GRIP1: variants seen among roughly 807,000 people sequenced by gnomAD.
The protein encoded by GRIP1 is glutamate receptor interacting protein 1, also known as glutamate receptor-interacting protein 1.
A neutral mutation model predicts 129.9 loss-of-function variants in GRIP1; 45 were observed. The observed-to-expected ratio is 0.35, with a 90% CI of 0.27 to 0.44. The LOEUF is 0.44. Ranked by LOEUF, GRIP1 falls within the 20% of genes least tolerant of loss-of-function variation. The pLI is 1.00. For missense variants in GRIP1, 1,196 were observed against 1,396.8 expected (o/e 0.86, Z 2.29); for synonymous variants, 530 against 520.8 (o/e 1.02, Z -0.24).
chr12:66,836,923 A>G (rs890590031), intron 1 of GRIP1, among the ~76,000 whole-genome samples: 8 of 152,242 alleles, frequency 5.3e-5, no homozygotes, highest in African/African-American at 1.9e-4. Context: ...AAGAAAGGAA[A>G]GGTACATTCA....
At chr12:66,675,907 G>A (rs2034304951) in intron 1 of GRIP1, among the ~76,000 whole-genome samples, 2 of 152,184 alleles carry the variant, frequency 1.3e-5, no homozygotes, top group South Asian at 4.1e-4. Context: ...TACCTGATAA[G>A]GCAAAATGAT....
chr12:66,361,503 C>T (rs2137164426), intron 23 of GRIP1, among the ~76,000 whole-genome samples: 1 of 152,354 alleles, frequency 6.6e-6, no homozygotes, highest in South Asian at 2.1e-4. Flanking sequence ...CTTCACACAT[C>T]TACTGGTTCA....
chr12:66,796,279 T>G (rs2038695583), intron 1 of GRIP1, among the ~76,000 whole-genome samples: 1 of 152,048 alleles, frequency 6.6e-6, no homozygotes, highest in African/African-American at 2.4e-5. Context: ...AAATCTACAT[T>G]TTTCCTATTC....
chr12:66,545,502 T>C (rs1390873242), intron 2 of GRIP1, among the ~76,000 whole-genome samples: 2 of 152,172 alleles, frequency 1.3e-5, no homozygotes, highest in Admixed American at 1.3e-4. Flanking sequence ...CCATTTACAA[T>C]AGCCAAAAGG....
intron 1 of GRIP1, among the ~76,000 whole-genome samples, chr12:66,752,686 T>C (rs569930042): frequency 2.6e-5 from 4 of 152,272 alleles, no homozygotes; most frequent in African/African-American, 9.6e-5. Context: ...TACACCTATT[T>C]AAATAAAAGC....
chr12:66,547,333 A>C (rs1406752281), intron 2 of GRIP1, among the ~76,000 whole-genome samples: 1 of 152,192 alleles, frequency 6.6e-6, no homozygotes, highest in Admixed American at 6.5e-5. Context: ...TGGGAATGTA[A>C]AATAGGACAA....
intron 1 of GRIP1, chr12:66,803,996 G>T (rs1445530417): frequency 4.9e-6 from 2 of 408,326 alleles, no homozygotes; most frequent in South Asian, 3.6e-5. Context: ...TCCACACAAG[G>T]TTTATTGTTA....
intron 1 of GRIP1, among the ~76,000 whole-genome samples, chr12:67,001,723 G>C (rs1382910309): frequency 2.6e-5 from 4 of 151,922 alleles, no homozygotes; most frequent in Non-Finnish European, 5.9e-5. Context: ...GACCCCCAAA[G>C]ACCCCACCAC....
At chr12:66,999,005 A>C (rs924489196) in intron 1 of GRIP1, among the ~76,000 whole-genome samples, 3 of 152,046 alleles carry the variant, frequency 2.0e-5, no homozygotes, top group Admixed American at 6.6e-5. Context: ...CCCTCCTCAA[A>C]GTACGCTTTG....
chr12:66,652,322 T>A (rs912232983), intron 1 of GRIP1, among the ~76,000 whole-genome samples: 1 of 152,154 alleles, frequency 6.6e-6, no homozygotes, highest in Admixed American at 6.5e-5. Flanking sequence ...GTTTTACACA[T>A]GGCAGTTTCC....
At chr12:66,805,967 CT>C (rs71069019), upstream of GRIP1, among the ~76,000 whole-genome samples, 20 of 130,726 alleles carry the variant, frequency 1.5e-4, no homozygotes, top group African/African-American at 3.4e-4. Context: ...CCTTAGGTTT[CT>C]TTTTTTTTTC....
intron 23 of GRIP1, among the ~76,000 whole-genome samples, chr12:66,355,151 T>G (rs1300267036): frequency 6.6e-6 from 1 of 152,196 alleles, no homozygotes; most frequent in Non-Finnish European, 1.5e-5. Flanking sequence ...CCAGACCGAC[T>G]GAGAATCTGC....
At chr12:66,798,616 A>T (rs1295989956) in intron 1 of GRIP1, among the ~76,000 whole-genome samples, 1 of 152,104 alleles carries the variant, frequency 6.6e-6, no homozygotes, top group African/African-American at 2.4e-5. Flanking sequence ...TACTAACTGG[A>T]CTCCGAAGTC....
At chr12:66,877,133 C>T (rs2040397074) in intron 1 of GRIP1, among the ~76,000 whole-genome samples, 1 of 151,976 alleles carries the variant, frequency 6.6e-6, no homozygotes, top group African/African-American at 2.4e-5. Flanking sequence ...TCAATTACGG[C>T]ATCTGAGTTG....
chr12:66,945,723 C>T (rs1393647295), intron 1 of GRIP1, among the ~76,000 whole-genome samples: 1 of 152,190 alleles, frequency 6.6e-6, no homozygotes, highest in Non-Finnish European at 1.5e-5. Context: ...CATTTCAACA[C>T]GAGATTTGGG....
intron 2 of GRIP1, among the ~76,000 whole-genome samples, chr12:66,580,196 C>G (rs1488793052): frequency 6.7e-6 from 1 of 148,556 alleles, no homozygotes; most frequent in Non-Finnish European, 1.5e-5. Context: ...ACTTTACAGA[C>G]AAGCAAATGC....
intron 1 of GRIP1, among the ~76,000 whole-genome samples, chr12:66,972,291 T>A (rs1382059894): frequency 6.6e-6 from 1 of 152,216 alleles, no homozygotes; most frequent in Non-Finnish European, 1.5e-5. Flanking sequence ...GACAGAAAGC[T>A]TACTATTCTT....
At position 66,713,119 on chromosome 12, in the gene GRIP1, C is replaced by T. The variant is rs191776657; in HGVS notation, c.-419-82783G>A. 1.0e-3 allele frequency among the ~76,000 whole-genome samples: 155 copies of T among 152,106 alleles called. 2 individuals are homozygous for T. The highest frequency in any genetic ancestry group is 3.7e-3 in the African/African-American group (153 of 41,520). On this transcript the variant is annotated intron_variant, in intron 1 of 4. Coordinates refer to the GRIP1 transcript ENST00000538373. Reference sequence around the variant, plus strand: ...GACTATTTTTCTTCCACTAAAATAACCTAATATCCTTCCATCAAAAATGTC... The same window carrying T: ...GACTATTTTTCTTCCACTAAAATAATCTAATATCCTTCCATCAAAAATGTC...
intron 1 of GRIP1, among the ~76,000 whole-genome samples, chr12:66,677,048 G>C (rs1045637735): frequency 6.6e-6 from 1 of 152,154 alleles, no homozygotes; most frequent in Non-Finnish European, 1.5e-5. Context: ...ATTCTGCAAA[G>C]AGATTTTATT....
Sources: allele counts gnomAD v4.1 joint callset (sites outside exome capture counted in the v4.1 genomes callset), GRCh38; gene constraint gnomAD v4.1.1; transcripts MANE v1.5; gene names NCBI Gene and HGNC (gene_info 2026-07-23, HGNC 2026-07-21).